The following AIG1 variants were observed in gnomAD, a reference collection of about 807,000 sequenced individuals.
AIG1 encodes the protein androgen-induced gene 1 protein.
AIG1 carries 23 observed loss-of-function variants against 31.4 expected under a neutral mutation model. The observed-to-expected ratio is 0.73, with a 90% CI of 0.53 to 1.04. The LOEUF (loss-of-function observed/expected upper bound fraction) is 1.04. Among genes scored for constraint, AIG1 ranks in the 50% least tolerant of loss-of-function variants. AIG1 has a pLI of 0.00. For missense variants in AIG1, 274 were observed against 295.0 expected (o/e 0.93, Z 0.52); for synonymous variants, 100 against 110.5 (o/e 0.90, Z 0.60).
chr6:143,075,322 T>G (rs1402519964), intron 1 of AIG1, among the ~76,000 whole-genome samples: 1 of 152,154 alleles, frequency 6.6e-6, no homozygotes, highest in Non-Finnish European at 1.5e-5. Flanking sequence ...GTTTTTTGTT[T>G]TGTTTTGTTT....
At chr6:143,113,072 T>C (rs1781427429) in intron 1 of AIG1, among the ~76,000 whole-genome samples, 1 of 151,772 alleles carries the variant, frequency 6.6e-6, no homozygotes, top group Admixed American at 6.6e-5. Context: ...TCTGAGATCC[T>C]AGCACTTTGG....
Position 143,190,640 on chromosome 6 carries a change from G to T in AIG1, c.399+25457G>T, listed in dbSNP as rs187524772. ...GCACAGATCCTCCAGTTGAACAGGG[G>T]CCTTCTTTCCAAAGCCCCAGGTAAG... On this transcript the variant is annotated intron_variant, in intron 3 of 5. Transcript: ENST00000357847. The T allele has an allele frequency of 1.7e-5, 17 of 983,930 alleles. No individual in the cohort carries two copies. In the Admixed American group the frequency reaches 8.6e-4, roughly 50 times the overall value. The allele number at this position is 983,930 out of a possible 1,614,324, so 60.9% of individuals were successfully genotyped here. A position where few individuals can be genotyped will look rare whatever the true frequency, so the allele number is the denominator to read the frequency against.
intron 3 of AIG1, among the ~76,000 whole-genome samples, chr6:143,172,032 G>A (rs1562455231): frequency 6.6e-6 from 1 of 151,834 alleles, no homozygotes; most frequent in Non-Finnish European, 1.5e-5. Context: ...GGGATTGTTT[G>A]ATTTTTTTTT....
At position 143,128,231 on chromosome 6, in the gene AIG1, T is replaced by C. The variant is rs941398997; in HGVS notation, c.142-8604T>C. Among the ~76,000 whole-genome samples, 5 of 152,216 alleles carry C rather than the reference T, an allele frequency of 3.3e-5. No individual in the cohort carries two copies. The East Asian group carries it at 9.6e-4, about 29-fold the overall frequency. On this transcript the variant is annotated intron_variant, in intron 1 of 5. Transcript: ENST00000357847. ...TAAAGACATGAATGGAATTTGAGTA[T>C]ACTTCCATACTTGCGAAAATGAATT... is the stretch of plus-strand genomic sequence containing the variant.
At chr6:143,090,022 CAT>C (rs754863005) in intron 1 of AIG1, among the ~76,000 whole-genome samples, 3 of 152,240 alleles carry the variant, frequency 2.0e-5, no homozygotes, top group South Asian at 2.1e-4. Flanking sequence ...AATTGTTACA[CAT>C]GTGTGACCAG....
chr6:143,122,205 A>C (rs138632730), intron 1 of AIG1, among the ~76,000 whole-genome samples: 16 of 152,218 alleles, frequency 1.1e-4, no homozygotes, highest in African/African-American at 3.6e-4. Flanking sequence ...TTTTATTAAT[A>C]CCTGTTGGAA....
Position 143,134,228 on chromosome 6 carries a change from A to G in AIG1, c.142-2607A>G, listed in dbSNP as rs534855987. ...TTTGTACAGTTGAAGCCCTGTGCAGATAATATTTCCTCCAATCTTATCCTT... is the reference window on the plus strand; with the variant it reads ...TTTGTACAGTTGAAGCCCTGTGCAGGTAATATTTCCTCCAATCTTATCCTT... On this transcript the variant is annotated intron_variant, in intron 1 of 5. Coordinates refer to ENST00000357847, the MANE Select transcript of AIG1 (RefSeq NM_016108.4). 2.8e-3 allele frequency among the ~76,000 whole-genome samples: 432 copies of G among 152,150 alleles called. 2 individuals carry two copies. The highest frequency in any genetic ancestry group is 9.9e-3 in the African/African-American group (410 of 41,560).
intron 3 of AIG1, among the ~76,000 whole-genome samples, chr6:143,263,371 C>T (rs1001868233): frequency 5.3e-5 from 8 of 151,304 alleles, no homozygotes; most frequent in African/African-American, 1.9e-4. Flanking sequence ...TTTGCCCTTT[C>T]TCCTGCTCAT....
intron 3 of AIG1, among the ~76,000 whole-genome samples, chr6:143,178,405 C>T (rs1226072848): frequency 6.6e-6 from 1 of 152,158 alleles, no homozygotes; most frequent in Non-Finnish European, 1.5e-5. Context: ...TTGATTTCCT[C>T]TATGGAACAA....
At chr6:143,266,814 C>A (rs9403476) in intron 3 of AIG1, among the ~76,000 whole-genome samples, 1,564 of 152,190 alleles carry the variant, frequency 0.01, 44 homozygotes, top group East Asian at 0.065. Flanking sequence ...GTGGAACACA[C>A]CTGTAGTTTA....
intron 1 of AIG1, 49 bp downstream of exon 1, chr6:143,061,115 T>C (rs1776206787): frequency 3.9e-6 from 6 of 1,551,266 alleles, no homozygotes; most frequent in Non-Finnish European, 5.3e-6. Flanking sequence ...TGCCTGTGTG[T>C]GCGTGTGTGT....
Position 143,071,717 on chromosome 6 carries a change from C to T in AIG1, c.141+10651C>T, listed in dbSNP as rs1777294174. 2.0e-5 allele frequency among the ~76,000 whole-genome samples: 3 copies of T among 150,298 alleles called. No individual in the cohort carries two copies. The South Asian group carries it at 6.4e-4, about 32-fold the overall frequency. On this transcript the variant is annotated intron_variant, in intron 1 of 5. Transcript: ENST00000357847. ...GTTGTTGTTGTTGTTCTTCTTCTTC[C>T]TCCTTCTCCCTCTTTCTCCTCCCCC...
chr6:143,086,522 T>A (rs1583123206), intron 1 of AIG1, among the ~76,000 whole-genome samples: 1 of 151,998 alleles, frequency 6.6e-6, no homozygotes, highest in South Asian at 2.1e-4. Flanking sequence ...CTGGCAAGGA[T>A]GGTGGGGAAC....
intron 3 of AIG1, among the ~76,000 whole-genome samples, chr6:143,195,803 C>G (rs1281504389): frequency 6.6e-6 from 1 of 152,154 alleles, no homozygotes; most frequent in Non-Finnish European, 1.5e-5. Flanking sequence ...GTGGCTGGCA[C>G]AGGTGCTCCC....
chr6:143,220,674 T>C (rs1583545459), intron 3 of AIG1, among the ~76,000 whole-genome samples: 1 of 152,320 alleles, frequency 6.6e-6, no homozygotes, highest in East Asian at 1.9e-4. Flanking sequence ...CCTGAGAGGA[T>C]GCTAATAAGA....
intron 1 of AIG1, among the ~76,000 whole-genome samples, chr6:143,077,177 T>C (rs1308818179): frequency 1.3e-5 from 2 of 152,212 alleles, no homozygotes; most frequent in East Asian, 3.8e-4. Flanking sequence ...ATTTTCATTA[T>C]ATCTACATGA....
At chr6:143,061,121 T>TGC in intron 1 of AIG1, 55 bp downstream of exon 1, 2 of 922,944 alleles carry the variant, frequency 2.2e-6, no homozygotes, top group Non-Finnish European at 2.9e-6. Context: ...TGTGTGCGTG[T>TGC]GTGTGTGTGT....
intron 3 of AIG1, chr6:143,190,493 A>T: frequency 1.0e-6 from 1 of 985,182 alleles, no homozygotes; most frequent in Non-Finnish European, 1.2e-6. Context: ...CAATATCTTC[A>T]CTTTTAAGTT....
intron 4 of AIG1, among the ~76,000 whole-genome samples, chr6:143,301,965 A>G (rs1014092019): frequency 1.4e-4 from 21 of 151,974 alleles, no homozygotes; most frequent in Non-Finnish European, 2.9e-4. Flanking sequence ...GCTAAGCTGG[A>G]CTAGTGTCCT....
Sources: allele counts gnomAD v4.1 joint callset (sites outside exome capture counted in the v4.1 genomes callset), GRCh38; gene constraint gnomAD v4.1.1; transcripts MANE v1.5; gene names NCBI Gene and HGNC (gene_info 2026-07-23, HGNC 2026-07-21).